The following AP1B1 variants were observed in gnomAD, a reference collection of about 807,000 sequenced individuals.
The protein encoded by AP1B1 is AP-1 complex subunit beta-1.
A neutral mutation model predicts 104.3 loss-of-function variants in AP1B1; 36 were observed. The observed-to-expected ratio is 0.35, with a 90% CI of 0.26 to 0.46. The LOEUF is 0.46. Ranked by LOEUF, AP1B1 falls within the 20% of genes least tolerant of loss-of-function variation. AP1B1 has a pLI of 1.00. For missense variants in AP1B1, 901 were observed against 1,247.9 expected, an observed-to-expected ratio of 0.72 and a Z score of 4.19; for synonymous variants, 504 against 517.5, an observed-to-expected ratio of 0.97 and a Z score of 0.35.
intron 1 of AP1B1, among the ~76,000 whole-genome samples, chr22:29,369,151 T>C (rs2062190971): frequency 6.6e-6 from 1 of 152,076 alleles, no homozygotes; most frequent in African/African-American, 2.4e-5. Flanking sequence ...GGGGGCAAGA[T>C]GAAAGTTACT....
chr22:29,354,519 A>G (rs2061925277), intron 7 of AP1B1, 131 bp downstream of exon 7: 1 of 858,968 alleles, frequency 1.2e-6, no homozygotes, highest in African/African-American at 1.7e-5. Flanking sequence ...CACTTTGGTT[A>G]AGCTATTCTG....
chr22:29,347,918 T>C (rs891495483), intron 11 of AP1B1, among the ~76,000 whole-genome samples: 1 of 152,236 alleles, frequency 6.6e-6, no homozygotes, highest in South Asian at 2.1e-4. Context: ...TCGGCAGTAC[T>C]GTTTCAATGA....
chr22:29,329,431 C>A, intron 22 of AP1B1: 1 of 1,337,424 alleles, frequency 7.5e-7, no homozygotes, highest in Admixed American at 3.5e-5. Context: ...CACTCTAAAG[C>A]ACTGGTTCTG....
intron 19 of AP1B1, 107 bp from the exon 20 acceptor site, chr22:29,330,816 C>A: frequency 1.1e-6 from 1 of 924,484 alleles, no homozygotes; most frequent in Non-Finnish European, 1.7e-6. Flanking sequence ...CACGTGAAAG[C>A]TGACAACAGG....
chr22:29,358,452 C>T (rs944103560), intron 5 of AP1B1, among the ~76,000 whole-genome samples: 13 of 152,184 alleles, frequency 8.5e-5, no homozygotes, highest in African/African-American at 2.2e-4. Flanking sequence ...CTGCCAGCCA[C>T]GTAGAATGAG....
At position 29,341,474 on chromosome 22, in the gene AP1B1, G is replaced by A. The variant is rs370126895; in HGVS notation, c.1796+27C>T. ...AACTGGGGAAGCAGAGTGTGAAGGC[G>A]CAGGCCGACTGGCCAGTCTCACTCA... On this transcript the variant is annotated intron_variant, in intron 13 of 22. Transcript: ENST00000357586. The A allele has an allele frequency of 3.1e-5, 50 of 1,598,748 alleles. 1 individual carries two copies. The African/African-American group carries it at 3.2e-4, about 10-fold the overall frequency.
chr22:29,340,897 C>T, intron 13 of AP1B1, 40 bp from the exon 14 acceptor site: 1 of 1,553,438 alleles, frequency 6.4e-7, no homozygotes, highest in South Asian at 1.2e-5. Context: ...ATCAGGATGT[C>T]TCAGGAAGGT....
chr22:29,384,512 T>C (rs1230343319), intron 1 of AP1B1, among the ~76,000 whole-genome samples: 1 of 152,204 alleles, frequency 6.6e-6, no homozygotes, highest in Non-Finnish European at 1.5e-5. Context: ...GCACCAACTA[T>C]GTACCAGACA....
Position 29,339,148 on chromosome 22 carries a change from A to G in AP1B1, c.2020-15T>C. On this transcript the variant is annotated splice_polypyrimidine_tract_variant and intron_variant, in intron 15 of 22. Transcript: ENST00000357586. ...GTGCCCCCAATCTGGAAAGGGAGGG[A>G]AAGAGTCAGAGGTGGGCGTCAAGAG... The G allele has an allele frequency of 6.2e-7, 1 of 1,613,918 alleles. No homozygotes were observed. Among genetic ancestry groups the G allele is most frequent in the Non-Finnish European group, 8.5e-7 (1 of 1,179,912 alleles).
chr22:29,362,175 G>C lies in AP1B1; in HGVS notation c.143+826C>G, dbSNP rs2062058436. ...AAGCATGAGCCAAGGTGCGGCAGCC[G>C]CTCTACACACAACCGGCTTTAGCCA... On this transcript the variant is annotated intron_variant, in intron 3 of 22. Transcript: ENST00000357586. 3.9e-5 allele frequency among the ~76,000 whole-genome samples: 6 copies of C among 152,288 alleles called. No individual in the cohort carries two copies. In the South Asian group the frequency reaches 8.3e-4, roughly 21 times the overall value.
intron 1 of AP1B1, among the ~76,000 whole-genome samples, chr22:29,380,487 A>G (rs2062419659): frequency 6.6e-6 from 1 of 152,058 alleles, no homozygotes; most frequent in African/African-American, 2.4e-5. Flanking sequence ...CAGCTCAAAC[A>G]ATGGGATAAA....
At chr22:29,371,041 C>A (rs1216735309) in intron 1 of AP1B1, among the ~76,000 whole-genome samples, 1 of 152,164 alleles carries the variant, frequency 6.6e-6, no homozygotes, top group Non-Finnish European at 1.5e-5. Flanking sequence ...AAGTGAAACG[C>A]TTTAGAAAGC....
Position 29,351,770 on chromosome 22 carries a change from T to G in AP1B1, c.994A>C (p.Ile332Leu). 1 of 1,614,178 alleles carries G rather than the reference T, an allele frequency of 6.2e-7. No homozygotes were observed. The highest frequency in any genetic ancestry group is 8.5e-7 in the Non-Finnish European group (1 of 1,180,028). ...TCCAGCTTCTCCAGCTTCACGTAGA[T>G]AGGGTCGTTGTACTTCACGAAGAAC... ...KVFFVKYNDP[I>L]YVKLEKLDIM... The change falls in exon 8 of 23, where the codon ATC becomes CTC. Residue 332 changes from isoleucine (I) to leucine (L), a missense_variant. Ile to Leu is a conservative substitution (Grantham distance 5). This residue lies in a region of AP1B1 where 471 missense variants were observed against 696.7 expected (regional missense o/e 0.68). Transcript: ENST00000357586.
rs1305054606 is a variant in AP1B1, at chr22:29,351,783, C to T, written c.981G>A (p.Lys327=). ...LKHEMKVFFV[K]YNDPIYVKLE... is the part of the protein sequence containing the mutation. ...GCTTCACGTAGATAGGGTCGTTGTA[C>T]TTCACGAAGAACACCTTCATCTCAT... The change falls in exon 8 of 23, where the codon AAG becomes AAA. Residue 327 remains lysine, a synonymous_variant. Coordinates refer to ENST00000357586, the MANE Select transcript of AP1B1 (RefSeq NM_001127.4). The T allele has an allele frequency of 2.5e-6, 4 of 1,614,100 alleles. No homozygotes were observed. In the East Asian group the frequency reaches 8.9e-5, roughly 36 times the overall value.
At chr22:29,329,442 C>A in intron 22 of AP1B1, 1 of 1,361,766 alleles carries the variant, frequency 7.3e-7, no homozygotes, top group South Asian at 1.8e-5. Context: ...ACTGGTTCTG[C>A]AGGGTGCAGT....
At chr22:29,341,410 T>A (rs538042540) in intron 13 of AP1B1, 91 bp downstream of exon 13, 1 of 1,506,014 alleles carries the variant, frequency 6.6e-7, no homozygotes, top group East Asian at 2.3e-5. Flanking sequence ...CAGGTCTTGC[T>A]GGGGGACAAC....
At chr22:29,342,532 C>T in intron 11 of AP1B1, 149 bp from the exon 12 acceptor site, 1 of 653,742 alleles carries the variant, frequency 1.5e-6, no homozygotes, top group African/African-American at 1.8e-5. Flanking sequence ...GGCACACAGG[C>T]AAAGGGCTGC....
intron 5 of AP1B1, among the ~76,000 whole-genome samples, chr22:29,358,375 G>A (rs1039962169): frequency 1.3e-5 from 2 of 152,230 alleles, no homozygotes; most frequent in Non-Finnish European, 2.9e-5. Flanking sequence ...AGAAGGGGAA[G>A]GAGGGCACTA....
chr22:29,339,440 A>C (rs1285716580), intron 15 of AP1B1, among the ~76,000 whole-genome samples: 1 of 152,128 alleles, frequency 6.6e-6, no homozygotes, highest in Non-Finnish European at 1.5e-5. Flanking sequence ...GGGTGGAGAC[A>C]TGCTACGCAG....
Sources: allele counts gnomAD v4.1 joint callset (sites outside exome capture counted in the v4.1 genomes callset), GRCh38; gene constraint gnomAD v4.1.1; regional missense constraint gnomAD v4.1.1; transcripts MANE v1.5; gene names NCBI Gene and HGNC (gene_info 2026-07-23, HGNC 2026-07-21).